The following WLS variants were observed in gnomAD, a reference collection of about 807,000 sequenced individuals.
WLS encodes protein wntless homolog.
WLS carries 23 observed loss-of-function variants against 62.8 expected under a neutral mutation model. The ratio of observed to expected loss-of-function variants is 0.37; its 90% CI spans 0.26 to 0.52. The LOEUF is 0.52. WLS is among the 20% of genes least tolerant of loss of function. The pLI is 0.92. For synonymous variants in WLS, 246 were observed against 244.1 expected, an observed-to-expected ratio of 1.01 and a Z score of -0.07; for missense variants, 615 against 697.3, an observed-to-expected ratio of 0.88 and a Z score of 1.33.
chr1:68,120,488 G>A (rs566108316), downstream of WLS, among the ~76,000 whole-genome samples: 9 of 152,180 alleles, frequency 5.9e-5, no homozygotes, highest in Non-Finnish European at 1.2e-4. Context: ...ATATGCTACT[G>A]GAAAGACACT....
At chr1:68,113,857 G>A (rs1020368274) in intron 11 of WLS, among the ~76,000 whole-genome samples, 6 of 152,232 alleles carry the variant, frequency 3.9e-5, no homozygotes, top group African/African-American at 1.4e-4. Context: ...AAAGGGAGCA[G>A]AACGATAATG....
At chr1:68,104,282 T>C (rs539217555) in intron 11 of WLS, among the ~76,000 whole-genome samples, 1 of 152,240 alleles carries the variant, frequency 6.6e-6, no homozygotes, top group South Asian at 2.1e-4. Flanking sequence ...GTTCTGAGAA[T>C]CATCACTACC....
chr1:68,183,268 C>T (rs916083991), intron 2 of WLS, among the ~76,000 whole-genome samples: 1 of 152,058 alleles, frequency 6.6e-6, no homozygotes, highest in African/African-American at 2.4e-5. Context: ...TGAAAGAAGA[C>T]CTCTTTTTGG....
chr1:68,212,027 C>T (rs1490014396), intron 1 of WLS, among the ~76,000 whole-genome samples: 1 of 152,180 alleles, frequency 6.6e-6, no homozygotes, highest in African/African-American at 2.4e-5. Context: ...TAACGAAGTA[C>T]CCTTTGTATC....
chr1:68,200,841 A>C (rs1453940862), intron 1 of WLS, among the ~76,000 whole-genome samples: 1 of 152,204 alleles, frequency 6.6e-6, no homozygotes, highest in Admixed American at 6.5e-5. Context: ...ATGAGAACTT[A>C]TATAAAACAT....
Position 68,101,737 on chromosome 1 carries a change from C to T in WLS, c.1511-2984G>A, listed in dbSNP as rs116344537. 2.5e-3 allele frequency among the ~76,000 whole-genome samples: 386 copies of T among 152,302 alleles called. 3 individuals carry two copies. Among genetic ancestry groups the T allele is most frequent in the African/African-American group, 8.9e-3 (370 of 41,564 alleles). ...GAAACTTCATGAATTGGGGGTGAGT[C>T]TCCCAATGGTGAAAGTTCAGGAAGA... On this transcript the variant is annotated intron_variant, in intron 11 of 11. Transcript: ENST00000354777.
intron 11 of WLS, chr1:68,127,264 TC>T (rs1420839259): frequency 3.7e-5 from 7 of 188,372 alleles, no homozygotes; most frequent in Non-Finnish European, 6.9e-5. Context: ...CTTATATCTA[TC>T]CATAGATTGG....
chr1:68,106,722 G>GTGTGTA (rs1480771724), intron 11 of WLS, among the ~76,000 whole-genome samples: 2 of 62,460 alleles, frequency 3.2e-5, no homozygotes, highest in Non-Finnish European at 7.0e-5. Context: ...GTCACTGTGT[G>GTGTGTA]TGTGTGTGTG....
chr1:68,146,101 C>G (rs983411442), intron 8 of WLS, 89 bp from the exon 9 acceptor site: 28 of 1,438,602 alleles, frequency 1.9e-5, no homozygotes, highest in Non-Finnish European at 2.5e-5. Context: ...GTTGGCAATA[C>G]TTGTTTTGTC....
intron 2 of WLS, among the ~76,000 whole-genome samples, chr1:68,177,717 C>T (rs189323427): frequency 5.2e-4 from 79 of 152,246 alleles, no homozygotes; most frequent in African/African-American, 1.8e-3. Context: ...TGGTCTCGAA[C>T]TCCTGGGATC....
At chr1:68,184,118 A>G (rs1647761639) in intron 2 of WLS, among the ~76,000 whole-genome samples, 1 of 152,164 alleles carries the variant, frequency 6.6e-6, no homozygotes, top group Admixed American at 6.5e-5. Context: ...TAGATTTACT[A>G]CTCAAGACAC....
At chr1:68,191,484 C>G (rs1384710895) in intron 2 of WLS, among the ~76,000 whole-genome samples, 1 of 152,186 alleles carries the variant, frequency 6.6e-6, no homozygotes, top group Non-Finnish European at 1.5e-5. Context: ...CCTCACATTA[C>G]ATTGTGTATT....
chr1:68,229,638 T>A (rs1650320915), intron 1 of WLS, among the ~76,000 whole-genome samples: 2 of 152,112 alleles, frequency 1.3e-5, no homozygotes, highest in African/African-American at 4.8e-5. Flanking sequence ...GGAAGTTTGG[T>A]GGGAAAATTT....
intron 2 of WLS, among the ~76,000 whole-genome samples, chr1:68,174,717 G>T (rs368222722): frequency 2.0e-5 from 3 of 152,068 alleles, no homozygotes; most frequent in African/African-American, 4.8e-5. Flanking sequence ...TTCGGGTCAC[G>T]CTAGCACTGT....
At chr1:68,127,040 T>A in intron 11 of WLS, 1 of 371,188 alleles carries the variant, frequency 2.7e-6, no homozygotes, top group Non-Finnish European at 5.3e-6. Context: ...AAAAAATTTG[T>A]TTTAATTACC....
intron 2 of WLS, among the ~76,000 whole-genome samples, chr1:68,187,144 G>A (rs1466699921): frequency 7.8e-5 from 11 of 140,450 alleles, no homozygotes; most frequent in African/African-American, 2.7e-4. Flanking sequence ...ACCCGGGATC[G>A]TGCCACTGCA....
chr1:68,188,824 G>A (rs1648122414), intron 2 of WLS, among the ~76,000 whole-genome samples: 1 of 152,230 alleles, frequency 6.6e-6, no homozygotes. Flanking sequence ...GGCCAGCAGT[G>A]AGGAAGGAGG....
At chr1:68,109,553 T>C (rs999868914) in intron 11 of WLS, among the ~76,000 whole-genome samples, 1 of 152,118 alleles carries the variant, frequency 6.6e-6, no homozygotes, top group Non-Finnish European at 1.5e-5. Context: ...TGCTAGACTA[T>C]AAAAAGTGAA....
At position 68,192,751 on chromosome 1, in the gene WLS, T is replaced by C. The variant is rs145820101; in HGVS notation, c.379+1204A>G. Reference sequence around the variant, plus strand: ...GCATTCGAGATCAGCCTGGGGAACATAGGAGACTCTGTCTCTTAAAAAAAA... The same window carrying C: ...GCATTCGAGATCAGCCTGGGGAACACAGGAGACTCTGTCTCTTAAAAAAAA... On this transcript the variant is annotated intron_variant, in intron 2 of 11. Coordinates refer to ENST00000262348, the MANE Select transcript of WLS (RefSeq NM_024911.7). Among the ~76,000 whole-genome samples the C allele has an allele frequency of 1.8e-3, 148 of 80,698 alleles. 3 individuals carry two copies. The highest frequency in any genetic ancestry group is 7.3e-3 in the African/African-American group (137 of 18,728). The allele number at this position is 80,698 out of a possible 152,430, so 52.9% of individuals were successfully genotyped here.
Sources: allele counts gnomAD v4.1 joint callset (sites outside exome capture counted in the v4.1 genomes callset), GRCh38; gene constraint gnomAD v4.1.1; transcripts MANE v1.5; gene names NCBI Gene and HGNC (gene_info 2026-07-23, HGNC 2026-07-21).